NCOA4: variants seen among roughly 807,000 people sequenced by gnomAD.
NCOA4 encodes 70 kDa AR-activator.
In NCOA4, 31 loss-of-function variants were observed where a neutral mutation model predicts 69.5. The observed-to-expected ratio is 0.45, with a 90% confidence interval of 0.34 to 0.60. The LOEUF (loss-of-function observed/expected upper bound fraction) is 0.60, where lower values mean the gene tolerates loss of function less well. Among genes scored for constraint, NCOA4 ranks in the 20% least tolerant of loss-of-function variants. NCOA4 has a pLI of 0.02. For missense variants in NCOA4, 600 were observed against 719.2 expected (o/e 0.83, Z 1.90); for synonymous variants, 228 against 252.4 (o/e 0.90, Z 0.92).
In NCOA4 at chr10:46,011,177, A is replaced by G. The variant is rs371004986; in HGVS notation, c.744T>C (p.Asn248=). Residue 248 remains asparagine (N), a synonymous_variant, in exon 8 of 10, where the codon AAT becomes AAC. Coordinates refer to ENST00000581486, the MANE Select transcript of NCOA4 (RefSeq NM_001145263.2). ...QTSSRACNFF[N]NVGGNLKGLE... ...AGCCCTTTAGGTTTCCCCCGACATT[A>G]TTGAAGAAATTGCAGGCTCTGGAAG... is the stretch of plus-strand genomic sequence containing the variant. 2 of 1,597,132 alleles carry G rather than the reference A, an allele frequency of 1.3e-6. No individual in the cohort carries two copies. Among genetic ancestry groups the G allele is most frequent in the East Asian group, 2.2e-5 (1 of 44,830 alleles).
At chr10:46,028,855 A>C (rs1426458949) in intron 1 of NCOA4, among the ~76,000 whole-genome samples, 1 of 152,140 alleles carries the variant, frequency 6.6e-6, no homozygotes, top group Non-Finnish European at 1.5e-5. Flanking sequence ...CTGAGTTCAA[A>C]GTCCATCAGC....
intron 1 of NCOA4, among the ~76,000 whole-genome samples, chr10:46,029,704 A>T (rs1840354273): frequency 6.6e-6 from 1 of 152,174 alleles, no homozygotes; most frequent in Non-Finnish European, 1.5e-5. Flanking sequence ...CAGCACTCTG[A>T]CTTCTGTCAT....
chr10:46,022,064 T>C (rs1473084583), intron 1 of NCOA4, among the ~76,000 whole-genome samples: 3 of 152,138 alleles, frequency 2.0e-5, no homozygotes, highest in Admixed American at 6.5e-5. Flanking sequence ...TGATTCAACG[T>C]CTGTATCACA....
At chr10:46,015,587 G>C (rs1283327889) in intron 2 of NCOA4, among the ~76,000 whole-genome samples, 1 of 152,122 alleles carries the variant, frequency 6.6e-6, no homozygotes, top group Non-Finnish European at 1.5e-5. Context: ...CTTCTAAGAG[G>C]ATTAGGTTTA....
At chr10:46,030,415 AAGG>A (rs1564931529) in intron 1 of NCOA4, 108 bp downstream of exon 1, 2 of 150,226 alleles carry the variant, frequency 1.3e-5, no homozygotes, top group Non-Finnish European at 3.0e-5. Flanking sequence ...GAGGGAAGGG[AAGG>A]AGAAGGCAGA....
In NCOA4 at chr10:46,010,844, C is replaced by T; in HGVS notation, c.1077G>A (p.Glu359=). 1 of 1,613,964 alleles carries T rather than the reference C, an allele frequency of 6.2e-7. No homozygotes were observed. The highest frequency in any genetic ancestry group is 1.1e-5 in the South Asian group (1 of 91,074). Residue 359 remains glutamate, a synonymous_variant, in exon 8 of 10, where the codon GAG becomes GAA. Transcript: ENST00000581486. ...NCQGNQPKGV[E]IENLGNLKCL... is the part of the protein sequence containing the mutation. ...ACTTCAGATTGCCCAGGTTTTCAAT[C>T]TCCACACCTTTGGGCTGGTTTCCCT...
At chr10:46,009,200 T>G in intron 9 of NCOA4, 1 of 1,550,560 alleles carries the variant, frequency 6.4e-7, no homozygotes, top group Non-Finnish European at 8.7e-7. Flanking sequence ...TGAAAGTTCA[T>G]TTTGAAGTAT....
intron 1 of NCOA4, 70 bp downstream of exon 1, chr10:46,030,453 GGAA>G (rs1840403135): frequency 1.1e-5 from 1 of 88,208 alleles, no homozygotes; most frequent in Non-Finnish European, 2.9e-5. Context: ...GGTCGGGTCG[GGAA>G]GGGGCGGACA....
rs1839136161 is a variant in NCOA4 at position 46,010,417 on chromosome 10, G to A, written c.1504C>T (p.Pro502Ser). Residue 502 changes from proline (P) to serine (S), a missense_variant, in exon 8 of 10, where the codon CCA (proline) becomes TCA (serine). Pro to Ser is a moderately conservative substitution (Grantham distance 74, BLOSUM62 -1). Transcript: ENST00000581486. Reference protein sequence around the residue: ...SPLSEWLIRPPYKEGSPKEVP... With the variant: ...SPLSEWLIRPSYKEGSPKEVP... ...TCCTTGGGACTTCCTTCTTTGTATG[G>A]GGGCCTGATAAGCCACTCCGACAAG... is the stretch of plus-strand genomic sequence containing the variant. 6.2e-7 allele frequency: 1 copy of A among 1,614,046 alleles called. No individual in the cohort carries two copies. The highest frequency in any genetic ancestry group is 8.5e-7 in the Non-Finnish European group (1 of 1,180,030).
At chr10:46,009,297 A>T in intron 9 of NCOA4, 114 bp downstream of exon 9, 1 of 1,472,680 alleles carries the variant, frequency 6.8e-7, no homozygotes. Flanking sequence ...CCTAATATAC[A>T]TACTATTAAA....
In NCOA4 at chr10:46,006,296, G is replaced by T. The variant is rs1838805203; in HGVS notation, c.*296C>A. 1 of 463,184 alleles carries T rather than the reference G, an allele frequency of 2.2e-6. No individual in the cohort carries two copies. The highest frequency in any genetic ancestry group is 3.5e-5 in the Admixed American group (1 of 28,616). The allele number at this position is 463,184 out of a possible 1,614,324, so 28.7% of individuals were successfully genotyped here. Reference sequence around the variant, plus strand: ...GTAACGACCCAATCTAAGGAGCCTTGGAGGCTTGTGAAAAAGACGTCCACA... The same window carrying T: ...GTAACGACCCAATCTAAGGAGCCTTTGAGGCTTGTGAAAAAGACGTCCACA... On this transcript the variant is annotated 3_prime_UTR_variant, in exon 10 of 10. Coordinates refer to ENST00000581486, the MANE Select transcript of NCOA4 (RefSeq NM_001145263.2).
chr10:46,013,462 T>C, intron 6 of NCOA4, 88 bp downstream of exon 6: 5 of 944,178 alleles, frequency 5.3e-6, no homozygotes, highest in South Asian at 3.1e-5. Context: ...TTTTTACAAA[T>C]AGTAGCATTT....
chr10:46,017,781 A>G (rs782254051), intron 1 of NCOA4, among the ~76,000 whole-genome samples: 1 of 152,200 alleles, frequency 6.6e-6, no homozygotes, highest in Non-Finnish European at 1.5e-5. Context: ...AACAGCATAT[A>G]ATGATAAAAT....
Position 46,010,448 on chromosome 10 carries a change from G to A in NCOA4, c.1473C>T (p.Asn491=), listed in dbSNP as rs138736934. Residue 491 remains asparagine (N), a synonymous_variant, in exon 8 of 10, where the codon AAC becomes AAT. Transcript: ENST00000581486. ...TGATAAGCCACTCCGACAAGGGGCT[G>A]TTCTTTATGACTTGGAAGGAATCAG... ...RIADSFQVIK[N]SPLSEWLIRP... The A allele has an allele frequency of 1.6e-5, 26 of 1,614,090 alleles. No individual in the cohort carries two copies. The African/African-American group carries it at 2.5e-4, about 16-fold the overall frequency.
chr10:46,029,557 C>T (rs1840345904), intron 1 of NCOA4, among the ~76,000 whole-genome samples: 1 of 152,090 alleles, frequency 6.6e-6, no homozygotes, highest in Admixed American at 6.5e-5. Context: ...AACTTAGTTC[C>T]AAATTACCAA....
At position 46,013,626 on chromosome 10, in the gene NCOA4, T is replaced by C. The variant is rs782155325; in HGVS notation, c.494A>G (p.His165Arg). 6.2e-7 allele frequency: 1 copy of C among 1,610,236 alleles called. No homozygotes were observed. The highest frequency in any genetic ancestry group is 8.5e-7 in the Non-Finnish European group (1 of 1,178,160). Reference protein sequence around the residue: ...GSLKTIQIPEHLMAHASSANI... With the variant: ...GSLKTIQIPERLMAHASSANI... Reference sequence around the variant, plus strand: ...TGCTGAACTAGCATGAGCCATCAAGTGCTCAGGAATTTGCTACAAAATAGA... The same window carrying C: ...TGCTGAACTAGCATGAGCCATCAAGCGCTCAGGAATTTGCTACAAAATAGA... Residue 165 changes from histidine to arginine, a missense_variant, in exon 6 of 10, where the codon CAC becomes CGC. By Grantham distance (29) the His-to-Arg change is conservative. Coordinates refer to ENST00000581486, the MANE Select transcript of NCOA4 (RefSeq NM_001145263.2).
chr10:46,016,496 G>T (rs1554923244), intron 2 of NCOA4, 44 bp downstream of exon 2: 1 of 1,383,702 alleles, frequency 7.2e-7, no homozygotes, highest in Non-Finnish European at 9.5e-7. Context: ...AATCAGCCCT[G>T]TGTCAAGAGT....
At chr10:46,014,408 T>C in intron 5 of NCOA4, 36 bp downstream of exon 5, 3 of 1,438,702 alleles carry the variant, frequency 2.1e-6, no homozygotes, top group South Asian at 1.2e-5. Flanking sequence ...GCCACAGATA[T>C]GAGAAGTGCC....
chr10:46,013,058 C>G, intron 6 of NCOA4, 32 bp from the exon 7 acceptor site: 2 of 1,608,240 alleles, frequency 1.2e-6, no homozygotes, highest in Non-Finnish European at 1.7e-6. Flanking sequence ...ATGTCAAATG[C>G]AGTAGAAAGT....
Sources: allele counts gnomAD v4.1 joint callset (sites outside exome capture counted in the v4.1 genomes callset), GRCh38; gene constraint gnomAD v4.1.1; transcripts MANE v1.5; gene names NCBI Gene and HGNC (gene_info 2026-07-23, HGNC 2026-07-21).